MAP3K13: variants seen among roughly 807,000 people sequenced by gnomAD.
MAP3K13 encodes the protein leucine zipper-bearing kinase.
Under a neutral mutation model 104.0 loss-of-function variants are expected in MAP3K13, and 52 were observed. The observed-to-expected ratio is 0.50, with a 90% CI of 0.40 to 0.63. MAP3K13 has a LOEUF of 0.63. Ranked by LOEUF, MAP3K13 falls within the 20% of genes least tolerant of loss-of-function variation. The pLI, the probability that MAP3K13 is intolerant of heterozygous loss-of-function variation, is 0.00. For missense variants in MAP3K13, 914 were observed against 1,218.5 expected (o/e 0.75, Z 3.72); for synonymous variants, 394 against 442.2 (o/e 0.89, Z 1.37).
At chr3:185,338,015 T>G (rs556472409) in intron 2 of MAP3K13, among the ~76,000 whole-genome samples, 1 of 152,168 alleles carries the variant, frequency 6.6e-6, no homozygotes, top group Admixed American at 6.5e-5. Flanking sequence ...GATTTGATAA[T>G]GAGACCCATA....
intron 1 of MAP3K13, among the ~76,000 whole-genome samples, chr3:185,422,259 T>C (rs569592120): frequency 1.3e-5 from 2 of 152,348 alleles, no homozygotes; most frequent in South Asian, 4.1e-4. Flanking sequence ...CAAACAACCA[T>C]GCTAGTGGAA....
At chr3:185,333,968 C>A (rs141984735) in intron 2 of MAP3K13, among the ~76,000 whole-genome samples, 4,184 of 152,152 alleles carry the variant, frequency 0.027, 77 homozygotes, top group African/African-American at 0.04. Context: ...GTGAGAGGAT[C>A]GCTTGAGCCC....
chr3:185,299,589 T>A (rs569780033), intron 2 of MAP3K13, among the ~76,000 whole-genome samples: 667 of 42,364 alleles, frequency 0.016, 185 homozygotes, highest in African/African-American at 0.04. Flanking sequence ...AGACGGAGTC[T>A]CGCTCTGTCG....
At chr3:185,428,451 A>G in intron 1 of MAP3K13, 46 bp from the exon 2 acceptor site, 11 of 1,239,536 alleles carry the variant, frequency 8.9e-6, no homozygotes, top group Non-Finnish European at 1.2e-5. Flanking sequence ...CGTAGTGTGC[A>G]TACTAAAGAA....
At chr3:185,402,432 C>T (rs769429013) in intron 1 of MAP3K13, among the ~76,000 whole-genome samples, 20 of 151,800 alleles carry the variant, frequency 1.3e-4, no homozygotes, top group Non-Finnish European at 2.4e-4. Flanking sequence ...TTACCATGTA[C>T]ATCTTTGTCT....
At chr3:185,446,152 T>G (rs984739630) in intron 4 of MAP3K13, among the ~76,000 whole-genome samples, 1 of 152,104 alleles carries the variant, frequency 6.6e-6, no homozygotes, top group African/African-American at 2.4e-5. Context: ...ATGGTAAATG[T>G]GAAGGAATCC....
intron 1 of MAP3K13, among the ~76,000 whole-genome samples, chr3:185,398,022 T>G (rs1712529711): frequency 1.3e-5 from 2 of 151,996 alleles, no homozygotes; most frequent in Non-Finnish European, 2.9e-5. Flanking sequence ...CCTGGCCCTG[T>G]GGAGTGGGGA....
intron 3 of MAP3K13, among the ~76,000 whole-genome samples, chr3:185,439,570 G>T (rs1310966270): frequency 6.6e-6 from 1 of 152,136 alleles, no homozygotes; most frequent in East Asian, 1.9e-4. Context: ...TTGAGACACA[G>T]AATGTCCCGT....
chr3:185,327,458 C>G (rs564553871), intron 2 of MAP3K13, among the ~76,000 whole-genome samples: 3 of 152,100 alleles, frequency 2.0e-5, no homozygotes, highest in East Asian at 3.9e-4. Context: ...TGCAGAAGAT[C>G]CCCAGGATAG....
chr3:185,288,856 C>T (rs1394232112), intron 2 of MAP3K13, among the ~76,000 whole-genome samples: 1 of 152,128 alleles, frequency 6.6e-6, no homozygotes, highest in African/African-American at 2.4e-5. Context: ...AAATTTATTG[C>T]TGTTCAATTT....
chr3:185,417,409 T>G (rs3177791), intron 1 of MAP3K13: 1 of 1,296,234 alleles, frequency 7.7e-7, no homozygotes. Context: ...TTTCTTTTTT[T>G]CCTCACTGCC....
chr3:185,374,750 A>G (rs1724340220), intron 1 of MAP3K13, among the ~76,000 whole-genome samples: 1 of 150,700 alleles, frequency 6.6e-6, no homozygotes. Context: ...TTAAAAACAT[A>G]GAGTCCCCCT....
chr3:185,482,435 C>A lies in MAP3K13; in HGVS notation c.2880C>A (p.His960Gln). The A allele has an allele frequency of 1.9e-6, 3 of 1,613,550 alleles. No individual in the cohort carries two copies. Among genetic ancestry groups the A allele is most frequent in the Non-Finnish European group, 2.5e-6 (3 of 1,179,462 alleles). The change falls in exon 14 of 14, where the codon CAC (histidine) becomes CAA (glutamine). Residue 960 changes from histidine to glutamine, a missense_variant. His to Gln is a conservative substitution (Grantham distance 24, BLOSUM62 0). This residue lies in a region of MAP3K13 where 583 missense variants were observed against 737.4 expected (regional missense o/e 0.79). Coordinates refer to ENST00000265026, the MANE Select transcript of MAP3K13 (RefSeq NM_004721.5). The surrounding 1 kb of genome is among the most constrained non-coding windows in gnomAD (Gnocchi z 4.5). ...ATGCCACAGTTAGGACCAATAAACA[C>A]TACAGCTCTGCTACCTGGTAATGAA... ...CSDATVRTNK[H>Q]YSSATW
chr3:185,440,436 A>T (rs765390509), intron 3 of MAP3K13, among the ~76,000 whole-genome samples: 3 of 152,220 alleles, frequency 2.0e-5, no homozygotes, highest in African/African-American at 7.2e-5. Context: ...ATATTACATT[A>T]TACCTGCCGT....
intron 2 of MAP3K13, among the ~76,000 whole-genome samples, chr3:185,307,369 C>T (rs919814174): frequency 6.6e-6 from 1 of 151,420 alleles, no homozygotes; most frequent in Non-Finnish European, 1.5e-5. Flanking sequence ...GCATTCTTCA[C>T]TTTTCTTCAT....
chr3:185,430,715 G>A (rs1714694398), intron 2 of MAP3K13, among the ~76,000 whole-genome samples: 1 of 151,918 alleles, frequency 6.6e-6, no homozygotes, highest in Non-Finnish European at 1.5e-5. Flanking sequence ...GAAAATACAG[G>A]TAAGCTCCAA....
chr3:185,480,001 G>A (rs773658240), intron 12 of MAP3K13, among the ~76,000 whole-genome samples: 3 of 152,148 alleles, frequency 2.0e-5, no homozygotes, highest in South Asian at 4.1e-4. Context: ...CCCTATCTCC[G>A]AATACAGTCG....
At chr3:185,453,789 TATATATGAGATATATATATATGATAC>T (rs1716031227) in intron 7 of MAP3K13, among the ~76,000 whole-genome samples, 1 of 67,172 alleles carries the variant, frequency 1.5e-5, no homozygotes, top group East Asian at 3.8e-4. Context: ...AAATTATATA[TATATATGAGATATATATATATGATAC>T]ATATATATGA....
chr3:185,455,878 G>GATATATATGAGATATAGATGAGAT (rs113021580), intron 7 of MAP3K13, among the ~76,000 whole-genome samples: 4 of 123,412 alleles, frequency 3.2e-5, no homozygotes, highest in African/African-American at 1.3e-4. Context: ...ATATAGATGA[G>GATATATATGAGATATAGATGAGAT]ATATATGATA....
Sources: allele counts gnomAD v4.1 joint callset (sites outside exome capture counted in the v4.1 genomes callset), GRCh38; gene constraint gnomAD v4.1.1; regional missense constraint gnomAD v4.1.1; non-coding constraint Gnocchi (gnomAD v3.1); transcripts MANE v1.5; gene names NCBI Gene and HGNC (gene_info 2026-07-23, HGNC 2026-07-21).